The following OSBPL1A variants were observed in gnomAD, a reference collection of about 807,000 sequenced individuals.
OSBPL1A encodes the protein oxysterol-binding protein-related protein 1.
Under a neutral mutation model 137.1 loss-of-function variants are expected in OSBPL1A, and 80 were observed. That is an observed-to-expected ratio of 0.58 (90% CI 0.49 to 0.70). OSBPL1A has a LOEUF of 0.70. OSBPL1A is among the 30% of genes least tolerant of loss of function. The pLI, the probability that OSBPL1A is intolerant of heterozygous loss-of-function variation, is 0.00. For missense variants in OSBPL1A, 970 were observed against 1,129.4 expected, an observed-to-expected ratio of 0.86 and a Z score of 2.02; for synonymous variants, 365 against 389.7, an observed-to-expected ratio of 0.94 and a Z score of 0.75.
intron 4 of OSBPL1A, chr18:24,358,358 C>A: frequency 1.5e-6 from 1 of 655,586 alleles, no homozygotes; most frequent in Admixed American, 2.3e-5. Flanking sequence ...TCGCACACAG[C>A]AGAAAGGCTG....
rs1367112432 is a variant in OSBPL1A, at chr18:24,341,628, C to T, written c.313G>A (p.Ala105Thr). 1.2e-6 allele frequency: 2 copies of T among 1,610,642 alleles called. No homozygotes were observed. Among genetic ancestry groups the T allele is most frequent in the Non-Finnish European group, 1.7e-6 (2 of 1,178,450 alleles). ...ELVMLLLEYNADTTIVNGSGQ... is the reference protein window; with the variant it reads ...ELVMLLLEYNTDTTIVNGSGQ... ...CTCCCATTAACAATAGTAGTATCAGCATTATATTCTAAGAGAAGCATTACC... is the reference window on the plus strand; with the variant it reads ...CTCCCATTAACAATAGTAGTATCAGTATTATATTCTAAGAGAAGCATTACC... Residue 105 changes from alanine to threonine, a missense_variant, in exon 5 of 28, where the codon GCT becomes ACT. This residue lies in a region of OSBPL1A where 647 missense variants were observed against 672.6 expected (regional missense o/e 0.96). Transcript: ENST00000319481.
chr18:24,187,790 G>C (rs143229215), intron 18 of OSBPL1A, among the ~76,000 whole-genome samples: 105 of 152,324 alleles, frequency 6.9e-4, no homozygotes, highest in Non-Finnish European at 1.1e-3. Context: ...ATGGCATAGG[G>C]ACCTGGGCTT....
intron 14 of OSBPL1A, among the ~76,000 whole-genome samples, chr18:24,288,016 T>C (rs939608875): frequency 3.3e-5 from 5 of 152,138 alleles, no homozygotes; most frequent in Admixed American, 1.3e-4. Context: ...TTTCTGTCCC[T>C]TCTAACACCT....
At chr18:24,305,812 C>T (rs1377187664) in intron 13 of OSBPL1A, among the ~76,000 whole-genome samples, 4 of 152,032 alleles carry the variant, frequency 2.6e-5, no homozygotes, top group South Asian at 2.1e-4. Flanking sequence ...GTGAACAAGC[C>T]GCATAGGATC....
At chr18:24,165,044 C>T (rs1161687537) in intron 27 of OSBPL1A, 21 bp downstream of exon 27, 1 of 1,612,856 alleles carries the variant, frequency 6.2e-7, no homozygotes, top group Admixed American at 1.7e-5. Context: ...CTCAGCCACA[C>T]CCCCTGACTC....
rs1327393752 is a variant in OSBPL1A, at chr18:24,351,541, T to C, written c.283-9883A>G. 5.9e-5 allele frequency among the ~76,000 whole-genome samples: 9 copies of C among 152,032 alleles called. No individual in the cohort carries two copies. In the East Asian group the frequency reaches 1.7e-3, roughly 30 times the overall value. On this transcript the variant is annotated intron_variant, in intron 4 of 27. Transcript: ENST00000319481. Reference sequence around the variant, plus strand: ...CATGCAATTGTTTTTTGTTTGTTTGTTTGTTTGTTTGTTTTGAGATAGAGT... The same window carrying C: ...CATGCAATTGTTTTTTGTTTGTTTGCTTGTTTGTTTGTTTTGAGATAGAGT...
At chr18:24,349,888 T>G (rs776961792) in intron 4 of OSBPL1A, among the ~76,000 whole-genome samples, 3 of 152,216 alleles carry the variant, frequency 2.0e-5, no homozygotes, top group Non-Finnish European at 2.9e-5. Flanking sequence ...CTTGGAATTC[T>G]GACCTTCAGA....
Position 24,283,213 on chromosome 18 carries a change from G to A in OSBPL1A, c.1175-2265C>T, listed in dbSNP as rs181442052. Among the ~76,000 whole-genome samples, 37 of 139,172 alleles carry A rather than the reference G, an allele frequency of 2.7e-4. No individual in the cohort carries two copies. In the East Asian group the frequency reaches 5.8e-3, roughly 22 times the overall value. The allele number at this position is 139,172 out of a possible 152,430, so 91.3% of individuals were successfully genotyped here. A position where few individuals can be genotyped will look rare whatever the true frequency, so the allele number is the denominator to read the frequency against. ...CTGGGACGTGGAGGTTGCAGTAAGC[G>A]GAGATGGCACCACAGCACTCCAGCC... On this transcript the variant is annotated intron_variant, in intron 14 of 27. Coordinates refer to ENST00000319481, the MANE Select transcript of OSBPL1A (RefSeq NM_080597.4).
chr18:24,269,049 C>A (rs1320768871), intron 15 of OSBPL1A, among the ~76,000 whole-genome samples: 1 of 152,184 alleles, frequency 6.6e-6, no homozygotes, highest in African/African-American at 2.4e-5. Flanking sequence ...GTACCAGCTC[C>A]TATTCATGCC....
chr18:24,250,646 A>G (rs2089058172), intron 15 of OSBPL1A, among the ~76,000 whole-genome samples: 2 of 152,204 alleles, frequency 1.3e-5, no homozygotes, highest in Admixed American at 1.3e-4. Context: ...AGCCTCAGAG[A>G]CTTGCTGGCT....
intron 2 of OSBPL1A, 109 bp downstream of exon 2, chr18:24,377,304 T>G: frequency 4.3e-5 from 57 of 1,321,844 alleles, no homozygotes; most frequent in Non-Finnish European, 5.2e-5. Flanking sequence ...CTTCCTAGCA[T>G]GAGAGATAGA....
intron 15 of OSBPL1A, among the ~76,000 whole-genome samples, chr18:24,252,724 A>C (rs974083335): frequency 6.6e-6 from 1 of 152,238 alleles, no homozygotes; most frequent in African/African-American, 2.4e-5. Context: ...CCTAGCTAGA[A>C]AGGCTAAATG....
intron 15 of OSBPL1A, among the ~76,000 whole-genome samples, chr18:24,244,880 CAA>C (rs1228451039): frequency 6.6e-6 from 1 of 152,138 alleles, no homozygotes; most frequent in Non-Finnish European, 1.5e-5. Flanking sequence ...TTCAATCTGG[CAA>C]AGACACAGCA....
intron 15 of OSBPL1A, chr18:24,272,092 G>C (rs900751806): frequency 1.0e-6 from 1 of 982,862 alleles, no homozygotes; most frequent in Non-Finnish European, 1.2e-6. Context: ...CGCAGGTAGG[G>C]ACCGCCGGGG....
At chr18:24,175,859 A>G (rs750413848) in intron 21 of OSBPL1A, among the ~76,000 whole-genome samples, 1 of 152,228 alleles carries the variant, frequency 6.6e-6, no homozygotes, top group Admixed American at 6.5e-5. Context: ...TAGATGTCCA[A>G]CTGTCTCCAT....
intron 14 of OSBPL1A, among the ~76,000 whole-genome samples, chr18:24,283,169 G>A (rs2089993983): frequency 1.3e-5 from 2 of 149,660 alleles, no homozygotes; most frequent in African/African-American, 4.9e-5. Flanking sequence ...GGAGACTGAG[G>A]CAGGAGAATC....
intron 11 of OSBPL1A, among the ~76,000 whole-genome samples, chr18:24,315,607 T>C (rs1242408686): frequency 7.7e-6 from 1 of 129,094 alleles, no homozygotes; most frequent in Admixed American, 8.8e-5. Flanking sequence ...TATTATATAT[T>C]ATAATCATAA....
At chr18:24,331,855 G>C (rs1417656715) in intron 7 of OSBPL1A, among the ~76,000 whole-genome samples, 3 of 152,098 alleles carry the variant, frequency 2.0e-5, no homozygotes, top group Non-Finnish European at 4.4e-5. Context: ...GTAATCCCAA[G>C]GTCAATATTC....
chr18:24,212,344 C>G (rs1298565509), intron 17 of OSBPL1A, among the ~76,000 whole-genome samples: 1 of 152,104 alleles, frequency 6.6e-6, no homozygotes, highest in Non-Finnish European at 1.5e-5. Flanking sequence ...GGGTGTGAGA[C>G]ACCACGCCCG....
Sources: gnomAD v4.1 joint callset for allele counts (sites outside exome capture counted in the v4.1 genomes callset) on GRCh38, gnomAD v4.1.1 for gene constraint, gnomAD v4.1.1 regional missense constraint, MANE v1.5 for transcripts, NCBI Gene and HGNC (gene_info 2026-07-23, HGNC 2026-07-21) for gene names.